The following SLC4A4 variants were observed in gnomAD, a reference collection of about 807,000 sequenced individuals.
The protein encoded by SLC4A4 is solute carrier family 4 member 4.
In SLC4A4, 27 loss-of-function variants were observed where a neutral mutation model predicts 111.5. The ratio of observed to expected loss-of-function variants is 0.24; its 90% CI spans 0.18 to 0.33. SLC4A4 has a LOEUF of 0.33. Ranked by LOEUF, SLC4A4 falls within the 10% of genes least tolerant of loss-of-function variation. SLC4A4 has a pLI of 1.00. For synonymous variants in SLC4A4, 443 were observed against 463.4 expected, an observed-to-expected ratio of 0.96 and a Z score of 0.57; for missense variants, 909 against 1,315.5, an observed-to-expected ratio of 0.69 and a Z score of 4.78.
chr4:71,512,701 A>G (rs933861637), intron 16 of SLC4A4, among the ~76,000 whole-genome samples: 4 of 152,068 alleles, frequency 2.6e-5, no homozygotes, highest in Non-Finnish European at 4.4e-5. Flanking sequence ...ATCATAAATT[A>G]TTTGTCTACA....
intron 2 of SLC4A4, among the ~76,000 whole-genome samples, chr4:71,171,318 T>G (rs1744934046): frequency 6.6e-6 from 1 of 152,104 alleles, no homozygotes; most frequent in African/African-American, 2.4e-5. Flanking sequence ...GACCAAGTGG[T>G]GCCAACTTTC....
At chr4:71,376,379 A>T (rs1732395436) in intron 6 of SLC4A4, among the ~76,000 whole-genome samples, 1 of 147,116 alleles carries the variant, frequency 6.8e-6, no homozygotes, top group Admixed American at 6.8e-5. Flanking sequence ...TTTTTTTGTT[A>T]TTTTTAGTAG....
intron 2 of SLC4A4, among the ~76,000 whole-genome samples, chr4:71,176,019 C>T (rs983490605): frequency 6.6e-6 from 1 of 152,168 alleles, no homozygotes. Flanking sequence ...TGCTGTTCAC[C>T]AATATCCGCT....
chr4:71,424,023 G>C (rs997409978), intron 7 of SLC4A4, among the ~76,000 whole-genome samples: 1 of 152,066 alleles, frequency 6.6e-6, no homozygotes, highest in African/African-American at 2.4e-5. Flanking sequence ...CTTCTGCACA[G>C]CAAAAGAAAC....
chr4:71,277,078 A>C (rs1283778553), intron 3 of SLC4A4, among the ~76,000 whole-genome samples: 1 of 152,098 alleles, frequency 6.6e-6, no homozygotes, highest in Non-Finnish European at 1.5e-5. Context: ...AAACAACCCC[A>C]AAACAAATAA....
intron 6 of SLC4A4, among the ~76,000 whole-genome samples, chr4:71,360,244 C>T (rs989546965): frequency 6.6e-6 from 1 of 152,060 alleles, no homozygotes; most frequent in Non-Finnish European, 1.5e-5. Context: ...TGCATCTCTT[C>T]CCTCAGTGAC....
chr4:71,165,929 C>G (rs1293904420), intron 2 of SLC4A4, among the ~76,000 whole-genome samples: 1 of 151,912 alleles, frequency 6.6e-6, no homozygotes, highest in East Asian at 1.9e-4. Context: ...TTAGGAGCTT[C>G]CAGAATCTTA....
intron 15 of SLC4A4, among the ~76,000 whole-genome samples, chr4:71,487,329 A>G (rs1729503278): frequency 6.6e-6 from 1 of 151,696 alleles, no homozygotes; most frequent in African/African-American, 2.4e-5. Context: ...CACAAGGGAA[A>G]ATGTGAGAAG....
intron 12 of SLC4A4, among the ~76,000 whole-genome samples, chr4:71,455,486 C>A (rs1429555348): frequency 6.6e-6 from 1 of 151,998 alleles, no homozygotes; most frequent in East Asian, 1.9e-4. Flanking sequence ...TAAAACAGAT[C>A]GTTCAAGAAA....
chr4:71,074,188 T>C (rs1741748271), intron 1 of SLC4A4, among the ~76,000 whole-genome samples: 1 of 152,130 alleles, frequency 6.6e-6, no homozygotes, highest in Non-Finnish European at 1.5e-5. Context: ...ACTCTGTTTC[T>C]CCATAGTGAT....
intron 2 of SLC4A4, among the ~76,000 whole-genome samples, chr4:71,246,754 C>T (rs1720687128): frequency 6.6e-6 from 1 of 151,834 alleles, no homozygotes; most frequent in Non-Finnish European, 1.5e-5. Context: ...CTGTTTTTTC[C>T]AGACAGTGGA....
At chr4:71,164,380 C>CAAAA (rs766735805) in intron 2 of SLC4A4, among the ~76,000 whole-genome samples, 22 of 65,100 alleles carry the variant, frequency 3.4e-4, no homozygotes, top group African/African-American at 1.1e-3. Flanking sequence ...ACTCTGTCTC[C>CAAAA]AAAAAAAAAA....
intron 3 of SLC4A4, among the ~76,000 whole-genome samples, chr4:71,293,816 A>G (rs1232186099): frequency 6.6e-6 from 1 of 152,178 alleles, no homozygotes; most frequent in Non-Finnish European, 1.5e-5. Context: ...TTGAACTTTC[A>G]GGGCATATAT....
intron 16 of SLC4A4, among the ~76,000 whole-genome samples, chr4:71,531,696 G>A (rs542149590): frequency 2.0e-5 from 3 of 150,256 alleles, no homozygotes; most frequent in African/African-American, 2.4e-5. Context: ...CATGTTGCAA[G>A]CAGGATGAGT....
chr4:71,292,832 G>T (rs112183004), intron 3 of SLC4A4, among the ~76,000 whole-genome samples: 3,492 of 137,982 alleles, frequency 0.025, 199 homozygotes, highest in African/African-American at 0.08. Flanking sequence ...TCTTACTTTT[G>T]GTTTTTTTTG....
intron 6 of SLC4A4, among the ~76,000 whole-genome samples, chr4:71,392,707 A>G (rs1719424355): frequency 6.6e-6 from 1 of 152,138 alleles, no homozygotes; most frequent in Non-Finnish European, 1.5e-5. Context: ...AAAGGACATA[A>G]TCAAAAAAGA....
chr4:71,156,616 A>C (rs186298235), intron 2 of SLC4A4, among the ~76,000 whole-genome samples: 33 of 150,208 alleles, frequency 2.2e-4, no homozygotes, highest in Non-Finnish European at 3.5e-4. Flanking sequence ...ACACACACAT[A>C]CACATTGTGA....
intron 2 of SLC4A4, among the ~76,000 whole-genome samples, chr4:71,147,484 G>A (rs746545759): frequency 1.3e-5 from 2 of 152,078 alleles, no homozygotes; most frequent in Non-Finnish European, 2.9e-5. Flanking sequence ...CCACAGTGAT[G>A]CTTTTCCTTC....
intron 3 of SLC4A4, among the ~76,000 whole-genome samples, 169 bp downstream of exon 3, chr4:71,255,568 G>T (rs940171056): frequency 2.0e-5 from 3 of 152,062 alleles, no homozygotes; most frequent in Non-Finnish European, 4.4e-5. Flanking sequence ...GTACCAGCAG[G>T]TTAATCTAGG....
Sources: gnomAD v4.1 joint callset for allele counts (sites outside exome capture counted in the v4.1 genomes callset) on GRCh38, gnomAD v4.1.1 for gene constraint, MANE v1.5 for transcripts, NCBI Gene and HGNC (gene_info 2026-07-23, HGNC 2026-07-21) for gene names.